The following CC2D2A variants were observed in gnomAD, a reference collection of about 807,000 sequenced individuals.
CC2D2A encodes coiled-coil and C2 domain containing 2A.
Under a neutral mutation model 212.9 loss-of-function variants are expected in CC2D2A, and 155 were observed. The observed-to-expected ratio is 0.73, with a 90% confidence interval of 0.64 to 0.83. CC2D2A has a LOEUF of 0.83. Among genes scored for constraint, CC2D2A ranks in the 40% least tolerant of loss-of-function variants. The probability of loss-of-function intolerance (pLI) is 0.00; values close to 1 mark genes in which losing one functional copy is unlikely to be tolerated. For synonymous variants in CC2D2A, 667 were observed against 686.5 expected (o/e 0.97, Z 0.44); for missense variants, 1,856 against 1,956.2 (o/e 0.95, Z 0.97).
At chr4:15,520,579 T>C (rs1336057349) in intron 11 of CC2D2A, among the ~76,000 whole-genome samples, 4 of 152,162 alleles carry the variant, frequency 2.6e-5, no homozygotes, top group East Asian at 1.9e-4. Context: ...CTGTCTCCTT[T>C]TGAAATTCTA....
chr4:15,520,635 C>A (rs1419123265), intron 11 of CC2D2A, among the ~76,000 whole-genome samples: 1 of 152,178 alleles, frequency 6.6e-6, no homozygotes, highest in Non-Finnish European at 1.5e-5. Flanking sequence ...TCCAGATATC[C>A]CTTGCACTAA....
intron 4 of CC2D2A, chr4:15,481,360 A>G: frequency 2.7e-6 from 1 of 364,196 alleles, no homozygotes; most frequent in Non-Finnish European, 5.5e-6. Flanking sequence ...AATACAAAAA[A>G]ATTAGCCAGG....
At chr4:15,497,088 T>C (rs1329457955) in intron 4 of CC2D2A, among the ~76,000 whole-genome samples, 3 of 152,064 alleles carry the variant, frequency 2.0e-5, no homozygotes, top group Non-Finnish European at 4.4e-5. Flanking sequence ...GAAGCAAAAA[T>C]GAGCCCAAAT....
chr4:15,472,143 A>G (rs538771789), intron 1 of CC2D2A, among the ~76,000 whole-genome samples: 1 of 152,234 alleles, frequency 6.6e-6, no homozygotes, highest in African/African-American at 2.4e-5. Context: ...GTGAGGGAGG[A>G]CTCAGGAATC....
chr4:15,583,784 C>A (rs1255921242), intron 30 of CC2D2A, among the ~76,000 whole-genome samples: 2 of 151,862 alleles, frequency 1.3e-5, no homozygotes, highest in African/African-American at 4.8e-5. Context: ...CCCGTCTCTA[C>A]TAAAAATACA....
intron 19 of CC2D2A, 102 bp downstream of exon 19, chr4:15,553,407 G>T: frequency 7.7e-7 from 1 of 1,295,506 alleles, no homozygotes; most frequent in Non-Finnish European, 1.1e-6. Context: ...TCCTTTTATT[G>T]TCAGGTGCCA....
In CC2D2A at chr4:15,536,849, G is replaced by A. The variant is rs558935454; in HGVS notation, c.1608-71G>A. 9.7e-4 allele frequency: 1,394 copies of A among 1,437,536 alleles called. 2 individuals are homozygous for A. The highest frequency in any genetic ancestry group is 1.1e-3 in the Non-Finnish European group (1,156 of 1,046,668). 89.0% of individuals were successfully genotyped at this position (1,437,536 alleles called of 1,614,324 possible). A position where few individuals can be genotyped will look rare whatever the true frequency, so the allele number is the denominator to read the frequency against. ...CTGGCACATAGCAAGTCCAATATAA[G>A]TATTTGCTGTTATTATTGCTCTCTT... On this transcript the variant is annotated intron_variant, in intron 14 of 36. Coordinates refer to ENST00000424120, the MANE Select transcript of CC2D2A (RefSeq NM_001378615.1).
chr4:15,479,833 G>A (rs901231533), intron 3 of CC2D2A, among the ~76,000 whole-genome samples: 4 of 152,184 alleles, frequency 2.6e-5, no homozygotes, highest in African/African-American at 7.2e-5. Context: ...GAGCAAGTGG[G>A]TGACTAGTGC....
chr4:15,511,578 A>C, intron 8 of CC2D2A, 155 bp downstream of exon 8: 1 of 608,306 alleles, frequency 1.6e-6, no homozygotes, highest in Non-Finnish European at 2.6e-6. Context: ...CTGAATTCAC[A>C]TGGCTCCCTG....
chr4:15,532,623 G>T (rs1717907034), intron 13 of CC2D2A, among the ~76,000 whole-genome samples: 1 of 152,094 alleles, frequency 6.6e-6, no homozygotes, highest in Admixed American at 6.6e-5. Context: ...AAATGCATTT[G>T]GTATCTAAAC....
At position 15,579,979 on chromosome 4, in the gene CC2D2A, G is replaced by C. The variant is rs1420749120; in HGVS notation, c.3783G>C (p.Gln1261His). The C allele has an allele frequency of 6.2e-7, 1 of 1,612,994 alleles. No individual in the cohort carries two copies. Among genetic ancestry groups the C allele is most frequent in the Non-Finnish European group, 8.5e-7 (1 of 1,179,546 alleles). ...CTTTCTTTTTGAAGTTTGAGTCTCA[G>C]GAAGATGAGAAATTACTTCAAGCAA... ...GESIREKFES[Q>H]EDEKLLQATE... Residue 1261 changes from glutamine (Q) to histidine (H), a missense_variant, in exon 30 of 37, where the codon CAG becomes CAC. Gln to His is a conservative substitution (Grantham distance 24). Coordinates refer to ENST00000424120, the MANE Select transcript of CC2D2A (RefSeq NM_001378615.1).
chr4:15,599,500 A>G, intron 35 of CC2D2A, 29 bp from the exon 36 acceptor site: 1 of 1,458,304 alleles, frequency 6.9e-7, no homozygotes, highest in Non-Finnish European at 9.2e-7. Context: ...GTGAGTCACC[A>G]AAAAATGGAA....
chr4:15,525,970 A>G (rs1717489414), intron 11 of CC2D2A, among the ~76,000 whole-genome samples: 1 of 152,250 alleles, frequency 6.6e-6, no homozygotes, highest in African/African-American at 2.4e-5. Flanking sequence ...TAGTCAATTC[A>G]TCCTGATTTG....
chr4:15,522,498 C>G (rs1016722058), intron 11 of CC2D2A, among the ~76,000 whole-genome samples: 1 of 145,382 alleles, frequency 6.9e-6, no homozygotes, highest in Non-Finnish European at 1.5e-5. Flanking sequence ...TCAGCCCTGC[C>G]TTTTTGAATG....
Position 15,536,957 on chromosome 4 carries a change from G to A in CC2D2A, c.1645G>A (p.Glu549Lys), listed in dbSNP as rs368788560. The change falls in exon 15 of 37, where the codon GAA becomes AAA. Residue 549 changes from glutamate to lysine, a missense_variant. By Grantham distance (56) the Glu-to-Lys change is moderately conservative (BLOSUM62 1). Transcript: ENST00000424120. ...CCAGAAAGCAGATGAAGAAGCATAT[G>A]AAGCAGAAATTCAAGCTGAAATAAG... ...ADQKADEEAY[E>K]AEIQAEISEL... is the part of the protein sequence containing the mutation. 25 of 1,613,884 alleles carry A rather than the reference G, an allele frequency of 1.5e-5. No homozygotes were observed. The East Asian group carries it at 1.6e-4, about 10-fold the overall frequency.
At chr4:15,529,250 T>C (rs1717681563) in intron 13 of CC2D2A, among the ~76,000 whole-genome samples, 1 of 151,906 alleles carries the variant, frequency 6.6e-6, no homozygotes, top group Non-Finnish European at 1.5e-5. Flanking sequence ...AGTATAGTAG[T>C]ATGTGCATGT....
At chr4:15,559,849 G>GAA (rs1719483302) in intron 22 of CC2D2A, among the ~76,000 whole-genome samples, 1 of 151,866 alleles carries the variant, frequency 6.6e-6, no homozygotes, top group Non-Finnish European at 1.5e-5. Flanking sequence ...TGAGACAGGG[G>GAA]GCTGGTTGGC....
intron 12 of CC2D2A, among the ~76,000 whole-genome samples, chr4:15,527,936 G>A (rs1479097075): frequency 6.6e-6 from 1 of 152,190 alleles, no homozygotes; most frequent in South Asian, 2.1e-4. Context: ...GAAGATATGT[G>A]GCTATTACTT....
chr4:15,503,505 T>C (rs866665726), intron 6 of CC2D2A, among the ~76,000 whole-genome samples: 1 of 152,038 alleles, frequency 6.6e-6, no homozygotes, highest in Non-Finnish European at 1.5e-5. Context: ...TGTGGAAGAG[T>C]TGGGATTTGA....
Sources: gnomAD v4.1 joint callset for allele counts (sites outside exome capture counted in the v4.1 genomes callset) on GRCh38, gnomAD v4.1.1 for gene constraint, MANE v1.5 for transcripts, NCBI Gene and HGNC (gene_info 2026-07-23, HGNC 2026-07-21) for gene names.